Variants in ANK3 observed in about 807,000 individuals in gnomAD.
ANK3 encodes ankyrin-3.
In ANK3, 57 loss-of-function variants were observed where a neutral mutation model predicts 370.9. The ratio of observed to expected loss-of-function variants is 0.15; its 90% CI spans 0.12 to 0.19. The LOEUF (loss-of-function observed/expected upper bound fraction) is 0.19, where lower values mean the gene tolerates loss of function less well. Among genes scored for constraint, ANK3 ranks in the 10% least tolerant of loss-of-function variants. The pLI is 1.00. For synonymous variants in ANK3, 1,929 were observed against 1,946.3 expected (o/e 0.99, Z 0.23); for missense variants, 4,439 against 5,302.1 (o/e 0.84, Z 5.06).
At chr10:60,128,651 G>C (rs1207906951) in intron 25 of ANK3, among the ~76,000 whole-genome samples, 2 of 152,130 alleles carry the variant, frequency 1.3e-5, no homozygotes, top group African/African-American at 4.8e-5. Flanking sequence ...AAAGTGCTGG[G>C]ATTACAGGTG....
chr10:60,322,518 T>C (rs2048889572), intron 1 of ANK3, among the ~76,000 whole-genome samples: 1 of 152,058 alleles, frequency 6.6e-6, no homozygotes, highest in Admixed American at 6.5e-5. Context: ...ACATTTAGTC[T>C]GGAAAAAAGC....
At chr10:60,299,786 T>C (rs749395414) in intron 1 of ANK3, among the ~76,000 whole-genome samples, 1 of 152,222 alleles carries the variant, frequency 6.6e-6, no homozygotes, top group Non-Finnish European at 1.5e-5. Flanking sequence ...TGCAATTCTA[T>C]TAAGATGGAA....
chr10:60,450,020 G>A (rs762058266), intron 2 of ANK3, among the ~76,000 whole-genome samples: 4 of 152,156 alleles, frequency 2.6e-5, no homozygotes, highest in Non-Finnish European at 4.4e-5. Flanking sequence ...TAAAGAGGCT[G>A]GGCACAGTGA....
At chr10:60,485,380 G>A (rs915318331) in intron 2 of ANK3, among the ~76,000 whole-genome samples, 5 of 152,220 alleles carry the variant, frequency 3.3e-5, no homozygotes, top group Non-Finnish European at 7.3e-5. Context: ...TTTCTCATCG[G>A]ATGTGAATGA....
chr10:60,250,207 T>C (rs1271733353), intron 7 of ANK3, among the ~76,000 whole-genome samples: 2 of 149,580 alleles, frequency 1.3e-5, no homozygotes, highest in Admixed American at 6.7e-5. Context: ...TCTTGCCTGA[T>C]CAGAAGAATC....
At position 60,671,395 on chromosome 10, in the gene ANK3, TG is replaced by T. The variant is rs2079062885; in HGVS notation, c.58-56172del. ...GTGACTGGTTTTTAACTCATCCATC[TG>T]GGCTCAGCCTAAAGGTCACTTCCTC... On this transcript the variant is annotated intron_variant, in intron 1 of 43. Transcript: ENST00000373827. 2.0e-5 allele frequency among the ~76,000 whole-genome samples: 3 copies of T among 152,360 alleles called. No homozygotes were observed. In the South Asian group the frequency reaches 6.2e-4, roughly 32 times the overall value.
intron 1 of ANK3, among the ~76,000 whole-genome samples, chr10:60,725,215 C>T (rs1176445790): frequency 6.6e-6 from 1 of 152,110 alleles, no homozygotes; most frequent in Non-Finnish European, 1.5e-5. Context: ...TATTTGAATT[C>T]CTTATGTTTA....
At chr10:60,327,892 C>T (rs371474404) in intron 1 of ANK3, among the ~76,000 whole-genome samples, 14 of 152,130 alleles carry the variant, frequency 9.2e-5, no homozygotes, top group African/African-American at 2.2e-4. Flanking sequence ...CATCCAGGTT[C>T]GCATACTACT....
intron 1 of ANK3, among the ~76,000 whole-genome samples, chr10:60,642,638 G>C (rs952771517): frequency 3.8e-5 from 1 of 26,074 alleles, no homozygotes; most frequent in African/African-American, 1.2e-4. Flanking sequence ...GTTGTGGGGT[G>C]GGGGGGCGAG....
intron 1 of ANK3, among the ~76,000 whole-genome samples, chr10:60,382,098 C>A (rs1443113574): frequency 6.6e-6 from 1 of 152,146 alleles, no homozygotes; most frequent in Non-Finnish European, 1.5e-5. Context: ...GGTTCCAAGA[C>A]AAGGTATTTC....
chr10:60,662,880 C>T (rs191608690), intron 1 of ANK3, among the ~76,000 whole-genome samples: 2 of 152,130 alleles, frequency 1.3e-5, no homozygotes, highest in Admixed American at 6.6e-5. Context: ...ATTAAACTAT[C>T]CCAGAACTTT....
chr10:60,111,750 G>A, intron 26 of ANK3: 1 of 456,166 alleles, frequency 2.2e-6, no homozygotes, highest in Non-Finnish European at 4.4e-6. Flanking sequence ...TCATACTGAG[G>A]AAGTGGAGAA....
Position 60,029,098 on chromosome 10 carries a change from T to C in ANK3, c.*748A>G, listed in dbSNP as rs2072715871. 1 of 152,636 alleles carries C rather than the reference T, an allele frequency of 6.6e-6. No homozygotes were observed. The highest frequency in any genetic ancestry group is 1.5e-5 in the Non-Finnish European group (1 of 68,042). 9.5% of individuals were successfully genotyped at this position (152,636 alleles called of 1,614,324 possible). ...CCTCATTTTGGGAATTATTTAAATT[T>C]GCAGCAGATTTTAAAGATTTGTTTT... On this transcript the variant is annotated 3_prime_UTR_variant, in exon 44 of 44. Coordinates refer to ENST00000280772, the MANE Select transcript of ANK3 (RefSeq NM_020987.5).
At chr10:60,598,935 GT>G (rs746925583) in intron 2 of ANK3, among the ~76,000 whole-genome samples, 5 of 152,064 alleles carry the variant, frequency 3.3e-5, no homozygotes, top group Non-Finnish European at 7.4e-5. Context: ...TGTTGTTGTT[GT>G]TTTTCATGTT....
intron 1 of ANK3, among the ~76,000 whole-genome samples, chr10:60,282,757 C>T (rs979108781): frequency 6.6e-6 from 1 of 152,116 alleles, no homozygotes; most frequent in Non-Finnish European, 1.5e-5. Context: ...AATTAATTTT[C>T]TTCACTTTCC....
intron 1 of ANK3, among the ~76,000 whole-genome samples, chr10:60,657,779 T>G (rs998450977): frequency 3.3e-5 from 5 of 152,154 alleles, no homozygotes; most frequent in Non-Finnish European, 5.9e-5. Context: ...CCTGATTTTT[T>G]GGGTTTAATT....
chr10:60,278,258 T>C (rs1355784593), intron 4 of ANK3, among the ~76,000 whole-genome samples: 1 of 152,244 alleles, frequency 6.6e-6, no homozygotes, highest in Non-Finnish European at 1.5e-5. Flanking sequence ...GCATTACAGA[T>C]ACCCTTTAAA....
At chr10:60,547,371 G>C (rs553381821) in intron 2 of ANK3, among the ~76,000 whole-genome samples, 1 of 152,012 alleles carries the variant, frequency 6.6e-6, no homozygotes, top group South Asian at 2.1e-4. Context: ...GATTACAGGC[G>C]TGAGCCATCG....
Position 60,601,173 on chromosome 10 carries a change from GCACA to G in ANK3, c.96+14009_96+14012del, listed in dbSNP as rs55896952. Among the ~76,000 whole-genome samples, 164 of 147,706 alleles carry G rather than the reference GCACA, an allele frequency of 1.1e-3. 1 individual carries two copies. The highest frequency in any genetic ancestry group is 1.9e-3 in the Non-Finnish European group (124 of 66,778). On this transcript the variant is annotated intron_variant, in intron 2 of 43. Coordinates refer to the ANK3 transcript ENST00000373827. ...CAAAGTCATTAAACATTTATACAAC[GCACA>G]CACACACACACACACACACATACCC...
Sources: gnomAD v4.1 joint callset for allele counts (sites outside exome capture counted in the v4.1 genomes callset) on GRCh38, gnomAD v4.1.1 for gene constraint, MANE v1.5 for transcripts, NCBI Gene and HGNC (gene_info 2026-07-23, HGNC 2026-07-21) for gene names.